The following TSPAN9 variants were observed in gnomAD, a reference collection of about 807,000 sequenced individuals.
TSPAN9 encodes the protein tetraspanin 9.
A neutral mutation model predicts 31.0 loss-of-function variants in TSPAN9; 16 were observed. The ratio of observed to expected loss-of-function variants is 0.52; its 90% CI spans 0.35 to 0.78. The LOEUF (loss-of-function observed/expected upper bound fraction) is 0.78. TSPAN9 is among the 30% of genes least tolerant of loss of function. The pLI, the probability that TSPAN9 is intolerant of heterozygous loss-of-function variation, is 0.01. For synonymous variants in TSPAN9, 145 were observed against 121.6 expected, an observed-to-expected ratio of 1.19 and a Z score of -1.27; for missense variants, 272 against 312.5, an observed-to-expected ratio of 0.87 and a Z score of 0.98.
rs1292775528 is a variant in TSPAN9, at chr12:3,094,529, G to GTTTAAATC, written c.-18+10812_-18+10813insTAAATCTT. 1.7e-4 allele frequency among the ~76,000 whole-genome samples: 24 copies of GTTTAAATC among 141,784 alleles called. 1 individual carries two copies. In the East Asian group the frequency reaches 4.9e-3, roughly 29 times the overall value. The allele number at this position is 141,784 out of a possible 152,430, so 93.0% of individuals were successfully genotyped here. ...GTTTTAAATCAATTATCTTGTTGTT[G>GTTTAAATC]TTGTTGTTGTTTTTTTTTTTTTTTG... is the stretch of plus-strand genomic sequence containing the variant. On this transcript the variant is annotated intron_variant, in intron 2 of 8. Transcript: ENST00000011898.
At chr12:3,250,781 G>A (rs1862232738) in intron 3 of TSPAN9, among the ~76,000 whole-genome samples, 1 of 152,242 alleles carries the variant, frequency 6.6e-6, no homozygotes, top group Admixed American at 6.5e-5. Context: ...GAGGTATGCA[G>A]AGCTTGGCTT....
chr12:3,130,167 C>T (rs533153487), intron 2 of TSPAN9, among the ~76,000 whole-genome samples: 253 of 152,320 alleles, frequency 1.7e-3, no homozygotes, highest in African/African-American at 6.0e-3. Context: ...AGCCCTGCCC[C>T]ACCAGCCTGG....
rs746189247 is a variant in TSPAN9 at position 3,286,477 on chromosome 12, G to A, written c.*3361G>A. 13 of 152,536 alleles carry A rather than the reference G, an allele frequency of 8.5e-5. No individual in the cohort carries two copies. The highest frequency in any genetic ancestry group is 1.9e-4 in the East Asian group (1 of 5,170). The allele number at this position is 152,536 out of a possible 1,614,324, so 9.4% of individuals were successfully genotyped here. On this transcript the variant is annotated 3_prime_UTR_variant, in exon 9 of 9. Transcript: ENST00000011898. The surrounding 1 kb of genome is among the most constrained non-coding windows in gnomAD (Gnocchi z 4.1). ...TCTGCTTGCATTGCCGTATCTGTGC[G>A]TTCCTTCATCCTGGTCCTGGCTTTA... is the stretch of plus-strand genomic sequence containing the variant.
At chr12:3,090,179 CT>C (rs1410844624) in intron 2 of TSPAN9, among the ~76,000 whole-genome samples, 1 of 151,980 alleles carries the variant, frequency 6.6e-6, no homozygotes, top group Non-Finnish European at 1.5e-5. Flanking sequence ...CTTTAGGCAT[CT>C]TTTCACATCA....
At chr12:3,272,596 A>C (rs1389440113) in intron 3 of TSPAN9, among the ~76,000 whole-genome samples, 2 of 152,052 alleles carry the variant, frequency 1.3e-5, no homozygotes, top group Non-Finnish European at 2.9e-5. Context: ...AAGTCTACAC[A>C]GAAGCCTGAG....
At chr12:3,105,037 G>A (rs1426305486) in intron 2 of TSPAN9, among the ~76,000 whole-genome samples, 2 of 152,198 alleles carry the variant, frequency 1.3e-5, no homozygotes, top group Non-Finnish European at 2.9e-5. Context: ...TAACTCACTT[G>A]TGTGGTAGGA....
rs116547481 is a variant in TSPAN9 at position 3,194,944 on chromosome 12, C to T, written c.-17-6233C>T. On this transcript the variant is annotated intron_variant, in intron 2 of 8. Transcript: ENST00000011898. ...TAAATGGTTTGCTCGGCAACGAAAG[C>T]ATTTTCTGTACTGTACAGTGGAAGA... 7.0e-3 allele frequency among the ~76,000 whole-genome samples: 1,061 copies of T among 152,312 alleles called. 15 individuals carry two copies. Among genetic ancestry groups the T allele is most frequent in the African/African-American group, 0.024 (994 of 41,564 alleles).
intron 2 of TSPAN9, among the ~76,000 whole-genome samples, chr12:3,186,420 T>TG (rs1398749324): frequency 6.6e-6 from 1 of 151,362 alleles, no homozygotes; most frequent in Admixed American, 6.6e-5. Context: ...CTGAGAGGAG[T>TG]GGCAGTGCTG....
rs180933957 is a variant in TSPAN9, at chr12:3,080,711, T to C, written c.-84-2942T>C. Among the ~76,000 whole-genome samples, 74 of 152,376 alleles carry C rather than the reference T, an allele frequency of 4.9e-4. 3 individuals carry two copies. Among genetic ancestry groups the C allele is most frequent in the Admixed American group, 4.4e-3 (67 of 15,310 alleles). On this transcript the variant is annotated intron_variant, in intron 1 of 8. Coordinates refer to ENST00000011898, the MANE Select transcript of TSPAN9 (RefSeq NM_006675.5). ...GTAGCATTAAGTCTATTTACATTGTTGTGCGACAGCTCCAGAAATTACCTT... is the reference window on the plus strand; with the variant it reads ...GTAGCATTAAGTCTATTTACATTGTCGTGCGACAGCTCCAGAAATTACCTT...
chr12:3,141,462 G>A (rs1040472338), intron 2 of TSPAN9, among the ~76,000 whole-genome samples: 3 of 152,110 alleles, frequency 2.0e-5, no homozygotes, highest in Non-Finnish European at 2.9e-5. Flanking sequence ...CTCCTGCCCC[G>A]GGCCCTGCTC....
At position 3,256,772 on chromosome 12, in the gene TSPAN9, A is replaced by G. The variant is rs1208232165; in HGVS notation, c.64-21649A>G. On this transcript the variant is annotated intron_variant, in intron 3 of 8. Transcript: ENST00000011898. ...CATTGCCTACAAGACAGCAGGAGCCATCATGGAGCTGGACTTCAAGAGGGT... is the reference window on the plus strand; with the variant it reads ...CATTGCCTACAAGACAGCAGGAGCCGTCATGGAGCTGGACTTCAAGAGGGT... Among the ~76,000 whole-genome samples, 5 of 152,198 alleles carry G rather than the reference A, an allele frequency of 3.3e-5. No individual in the cohort carries two copies. In the East Asian group the frequency reaches 7.7e-4, roughly 23 times the overall value.
intron 3 of TSPAN9, among the ~76,000 whole-genome samples, chr12:3,234,423 C>T (rs908300400): frequency 2.0e-5 from 3 of 152,184 alleles, no homozygotes; most frequent in Admixed American, 6.5e-5. Flanking sequence ...ATGACCCCCT[C>T]CCTCTGCTCC....
At chr12:3,232,576 G>A (rs1483901120) in intron 3 of TSPAN9, among the ~76,000 whole-genome samples, 1 of 152,224 alleles carries the variant, frequency 6.6e-6, no homozygotes, top group African/African-American at 2.4e-5. Context: ...GCTTTGCATC[G>A]GAATCACCTG....
At chr12:3,220,145 C>CAAAAAAAA (rs55735802) in intron 3 of TSPAN9, among the ~76,000 whole-genome samples, 5 of 137,346 alleles carry the variant, frequency 3.6e-5, no homozygotes, top group African/African-American at 1.4e-4. Flanking sequence ...AACTCTGTCT[C>CAAAAAAAA]AAAAAAAAAA....
At chr12:3,274,941 G>A (rs570212960) in intron 3 of TSPAN9, among the ~76,000 whole-genome samples, 6 of 152,226 alleles carry the variant, frequency 3.9e-5, no homozygotes, top group Admixed American at 6.5e-5. Context: ...TCCAGACTGC[G>A]CCCCCGTAGG....
rs2098364771 is a variant in TSPAN9, at chr12:3,192,232, TAA to T, written c.-17-8944_-17-8943del. ...AAACACACAGGCACACACACAATTG[TAA>T]TCCAAGTAAGATGGGAAGCCACTGA... On this transcript the variant is annotated intron_variant, in intron 2 of 8. Coordinates refer to ENST00000011898, the MANE Select transcript of TSPAN9 (RefSeq NM_006675.5). This position sits in a 1 kb window ranked among gnomAD's most constrained non-coding sequence, Gnocchi z 4.6. Among the ~76,000 whole-genome samples, 9 of 152,284 alleles carry T rather than the reference TAA, an allele frequency of 5.9e-5. No homozygotes were observed. In the South Asian group the frequency reaches 1.9e-3, roughly 32 times the overall value.
At chr12:3,176,284 G>A (rs2098355543) in intron 2 of TSPAN9, among the ~76,000 whole-genome samples, 1 of 152,242 alleles carries the variant, frequency 6.6e-6, no homozygotes, top group Non-Finnish European at 1.5e-5. Flanking sequence ...GAGAAGAGAA[G>A]GTCCAATTTT....
intron 2 of TSPAN9, among the ~76,000 whole-genome samples, chr12:3,096,799 TC>T (rs1156712130): frequency 1.3e-5 from 2 of 151,976 alleles, no homozygotes; most frequent in Non-Finnish European, 2.9e-5. Context: ...TTCACGCCAT[TC>T]TCCTGCCTCA....
At chr12:3,221,519 C>G (rs891509813) in intron 3 of TSPAN9, among the ~76,000 whole-genome samples, 23 of 152,084 alleles carry the variant, frequency 1.5e-4, no homozygotes, top group Non-Finnish European at 2.4e-4. Flanking sequence ...CCACCAAGCC[C>G]GTCTAATTTT....
Sources: allele counts gnomAD v4.1 joint callset (sites outside exome capture counted in the v4.1 genomes callset), GRCh38; gene constraint gnomAD v4.1.1; non-coding constraint Gnocchi (gnomAD v3.1); transcripts MANE v1.5; gene names NCBI Gene and HGNC (gene_info 2026-07-23, HGNC 2026-07-21).